The following TRIM37 variants were observed in gnomAD, a reference collection of about 807,000 sequenced individuals.
The protein encoded by TRIM37 is tripartite motif containing 37.
Under a neutral mutation model 129.8 loss-of-function variants are expected in TRIM37, and 80 were observed. That is an observed-to-expected ratio of 0.62 (90% CI 0.51 to 0.74). The LOEUF (loss-of-function observed/expected upper bound fraction) is 0.74, where lower values mean the gene tolerates loss of function less well. Ranked by LOEUF, TRIM37 falls within the 30% of genes least tolerant of loss-of-function variation. The pLI is 0.00. For missense variants in TRIM37, 1,054 were observed against 1,176.5 expected (o/e 0.90, Z 1.52); for synonymous variants, 389 against 387.1 (o/e 1.00, Z -0.06).
chr17:59,057,739 G>C (rs1183426087), intron 12 of TRIM37, among the ~76,000 whole-genome samples: 1 of 152,130 alleles, frequency 6.6e-6, no homozygotes, highest in African/African-American at 2.4e-5. Context: ...GGACAGGCTA[G>C]TATCAAACTC....
chr17:59,072,760 A>C (rs1416197070), intron 8 of TRIM37, among the ~76,000 whole-genome samples: 1 of 151,828 alleles, frequency 6.6e-6, no homozygotes, highest in East Asian at 1.9e-4. Flanking sequence ...AAAAAAAAAA[A>C]AGTATCATAT....
intron 4 of TRIM37, among the ~76,000 whole-genome samples, chr17:59,086,936 T>A (rs555290575): frequency 2.0e-5 from 3 of 152,282 alleles, no homozygotes; most frequent in East Asian, 3.9e-4. Flanking sequence ...CAAACAGTAA[T>A]ACCCACCACT....
intron 3 of TRIM37, among the ~76,000 whole-genome samples, chr17:59,090,866 T>A (rs953418242): frequency 6.6e-6 from 1 of 152,170 alleles, no homozygotes; most frequent in African/African-American, 2.4e-5. Flanking sequence ...CCTCAGGTGA[T>A]CCAGCCGCCT....
the TRIM37 span, among the ~76,000 whole-genome samples, chr17:58,977,116 A>C: frequency 6.6e-6 from 1 of 152,162 alleles, no homozygotes; most frequent in African/African-American, 2.4e-5. Flanking sequence ...AATCAAAAGC[A>C]TGCTTGGGAA....
At chr17:59,039,776 G>A (rs1381576704) in intron 17 of TRIM37, among the ~76,000 whole-genome samples, 1 of 152,122 alleles carries the variant, frequency 6.6e-6, no homozygotes, top group East Asian at 1.9e-4. Flanking sequence ...AAACAAACAG[G>A]AATCCAGACA....
chr17:59,027,434 A>G (rs1568013586), intron 19 of TRIM37, among the ~76,000 whole-genome samples: 1 of 152,206 alleles, frequency 6.6e-6, no homozygotes, highest in Non-Finnish European at 1.5e-5. Flanking sequence ...CTAAGACTGG[A>G]TTAACTTCCC....
chr17:59,051,456 G>T, intron 13 of TRIM37, 128 bp from the exon 14 acceptor site: 1 of 707,108 alleles, frequency 1.4e-6, no homozygotes, highest in East Asian at 2.7e-5. Context: ...AGAGCTGCTA[G>T]TATTTGTTGT....
At chr17:58,987,857 A>G (rs886348632) in intron 24 of TRIM37, among the ~76,000 whole-genome samples, 6 of 152,238 alleles carry the variant, frequency 3.9e-5, no homozygotes, top group Admixed American at 3.9e-4. Flanking sequence ...CATGTTTTAC[A>G]TTCAATAAAA....
intron 11 of TRIM37, 67 bp downstream of exon 11, chr17:59,062,500 A>C: frequency 8.0e-7 from 1 of 1,254,530 alleles, no homozygotes; most frequent in South Asian, 1.2e-5. Context: ...TAATCAAATT[A>C]GTATACTACA....
At chr17:59,086,732 TA>T (rs1389148884) in intron 4 of TRIM37, among the ~76,000 whole-genome samples, 1 of 152,240 alleles carries the variant, frequency 6.6e-6, no homozygotes, top group Non-Finnish European at 1.5e-5. Flanking sequence ...ACCAAATTTA[TA>T]ATATAGCTTT....
intron 24 of TRIM37, chr17:58,984,913 C>T (rs2031654128): frequency 1.3e-5 from 2 of 152,638 alleles, no homozygotes. Flanking sequence ...TAAACTCTTA[C>T]TCTAGGTGCT....
At chr17:59,069,172 C>A (rs1224431836) in intron 9 of TRIM37, among the ~76,000 whole-genome samples, 1 of 151,882 alleles carries the variant, frequency 6.6e-6, no homozygotes, top group African/African-American at 2.4e-5. Flanking sequence ...CATGGAGAAA[C>A]CCCGTCTCTA....
Position 59,043,165 on chromosome 17 carries a change from T to G in TRIM37, c.1668-1267A>C, listed in dbSNP as rs148668959. Among the ~76,000 whole-genome samples the G allele has an allele frequency of 2.4e-3, 360 of 152,292 alleles. 4 individuals carry two copies. Among genetic ancestry groups the G allele is most frequent in the African/African-American group, 8.3e-3 (344 of 41,562 alleles). On this transcript the variant is annotated intron_variant, in intron 16 of 23. Coordinates refer to ENST00000262294, the MANE Select transcript of TRIM37 (RefSeq NM_015294.6). Reference sequence around the variant, plus strand: ...ATGTTAAAAAACAATCACTATTACTTTATTTTAAACAACATACTACTTGAA... The same window carrying G: ...ATGTTAAAAAACAATCACTATTACTGTATTTTAAACAACATACTACTTGAA...
downstream of TRIM37, chr17:58,980,603 C>T: frequency 6.2e-7 from 1 of 1,614,182 alleles, no homozygotes; most frequent in South Asian, 1.1e-5. This position sits in a 1 kb window ranked among gnomAD's most constrained non-coding sequence, Gnocchi z 4.7. Context: ...AAAATCAGTT[C>T]AGTCATCATT....
At chr17:59,022,227 G>A (rs1390853133) in intron 19 of TRIM37, among the ~76,000 whole-genome samples, 1 of 152,078 alleles carries the variant, frequency 6.6e-6, no homozygotes, top group Non-Finnish European at 1.5e-5. Context: ...TAAAATATTA[G>A]CAAACTGAAT....
At chr17:59,101,671 AAAAAAAATATAT>A (rs1403934322) in intron 2 of TRIM37, among the ~76,000 whole-genome samples, 6 of 117,898 alleles carry the variant, frequency 5.1e-5, no homozygotes, top group African/African-American at 2.2e-4. Flanking sequence ...AAAAAAAAAA[AAAAAAAATATAT>A]ATATATATAT....
chr17:59,102,829 T>C (rs1017314882), intron 2 of TRIM37, among the ~76,000 whole-genome samples: 1 of 152,244 alleles, frequency 6.6e-6, no homozygotes, highest in African/African-American at 2.4e-5. Context: ...GATAATACTC[T>C]TGACAAAGGC....
At chr17:58,987,309 C>T (rs748704855) in intron 24 of TRIM37, among the ~76,000 whole-genome samples, 9 of 152,176 alleles carry the variant, frequency 5.9e-5, no homozygotes, top group Non-Finnish European at 1.3e-4. Context: ...TAAGCCAAAT[C>T]GAGTTGCTAC....
rs1425014076 is a variant in TRIM37 at position 59,079,695 on chromosome 17, A to G, written c.616+59T>C. Reference sequence around the variant, plus strand: ...GGATGATCACCCTTATTCTTCAAAGACTGAATCTCAAAGAAGCTGAAAGCA... The same window carrying G: ...GGATGATCACCCTTATTCTTCAAAGGCTGAATCTCAAAGAAGCTGAAAGCA... On this transcript the variant is annotated intron_variant, in intron 7 of 23. Coordinates refer to ENST00000262294, the MANE Select transcript of TRIM37 (RefSeq NM_015294.6). 2.5e-6 allele frequency: 4 copies of G among 1,606,930 alleles called. No individual in the cohort carries two copies. The African/African-American group carries it at 5.4e-5, about 21-fold the overall frequency.
Sources: allele counts gnomAD v4.1 joint callset (sites outside exome capture counted in the v4.1 genomes callset), GRCh38; gene constraint gnomAD v4.1.1; non-coding constraint Gnocchi (gnomAD v3.1); transcripts MANE v1.5; gene names NCBI Gene and HGNC (gene_info 2026-07-23, HGNC 2026-07-21).